Variants in KCNH1 observed in about 807,000 individuals in gnomAD.
KCNH1 encodes the protein voltage-gated delayed rectifier potassium channel KCNH1.
A neutral mutation model predicts 69.2 loss-of-function variants in KCNH1; 27 were observed. The observed-to-expected ratio is 0.39, with a 90% CI of 0.29 to 0.54. The LOEUF (loss-of-function observed/expected upper bound fraction) is 0.54. KCNH1 is among the 20% of genes least tolerant of loss of function. The pLI, the probability that KCNH1 is intolerant of heterozygous loss-of-function variation, is 0.68. For missense variants in KCNH1, 798 were observed against 1,261.6 expected (o/e 0.63, Z 5.57); for synonymous variants, 456 against 487.7 (o/e 0.93, Z 0.86).
chr1:210,864,279 G>A (rs1014978603), intron 7 of KCNH1, among the ~76,000 whole-genome samples: 6 of 152,132 alleles, frequency 3.9e-5, no homozygotes, highest in South Asian at 2.1e-4. Flanking sequence ...GCAATGCCAC[G>A]GCAGTGAGGA....
chr1:210,733,157 A>AT (rs893559818), intron 10 of KCNH1, among the ~76,000 whole-genome samples: 140 of 151,338 alleles, frequency 9.3e-4, no homozygotes, highest in Non-Finnish European at 1.1e-3. Flanking sequence ...CATATGGCCT[A>AT]TTTTTTTTTC....
In KCNH1 at chr1:210,871,551, G is replaced by A. The variant is rs188180347; in HGVS notation, c.1462+48089C>T. Among the ~76,000 whole-genome samples the A allele has an allele frequency of 3.7e-3, 562 of 152,140 alleles. 5 individuals carry two copies. The highest frequency in any genetic ancestry group is 0.012 in the African/African-American group (510 of 41,502). On this transcript the variant is annotated intron_variant, in intron 7 of 10. Transcript: ENST00000271751. ...ATTTGACCCAGCCACCCCATTACTG[G>A]GTATATACACAAAGGACTATAAATC...
rs562125551 is a variant in KCNH1 at position 210,973,262 on chromosome 1, G to A, written c.1032+45521C>T. ...ATACTTATATTTGATGCTCAATAAT[G>A]TAACAAAATATGAGATCGATCACCT... On this transcript the variant is annotated intron_variant, in intron 6 of 10. Transcript: ENST00000271751. Among the ~76,000 whole-genome samples the A allele has an allele frequency of 1.5e-3, 233 of 152,172 alleles. 1 individual carries two copies. The highest frequency in any genetic ancestry group is 5.2e-3 in the African/African-American group (215 of 41,534).
intron 7 of KCNH1, among the ~76,000 whole-genome samples, chr1:210,881,640 C>T (rs879600807): frequency 3.3e-5 from 5 of 152,160 alleles, no homozygotes; most frequent in Non-Finnish European, 5.9e-5. Flanking sequence ...ACCAGGATGT[C>T]CTTCAGTAGA....
In KCNH1 at chr1:211,083,075, C is replaced by T. The variant is rs149512805; in HGVS notation, c.440-177G>A. Among the ~76,000 whole-genome samples the T allele has an allele frequency of 8.5e-5, 13 of 152,350 alleles. No individual in the cohort carries two copies. In the East Asian group the frequency reaches 2.3e-3, roughly 27 times the overall value. On this transcript the variant is annotated intron_variant, in intron 4 of 10. Coordinates refer to ENST00000271751, the MANE Select transcript of KCNH1 (RefSeq NM_172362.3). Reference sequence around the variant, plus strand: ...CTGCTCCGTAAAGCACCTTGTGTGTCGCAACTTGCTTTTCCCCTGCACTTT... The same window carrying T: ...CTGCTCCGTAAAGCACCTTGTGTGTTGCAACTTGCTTTTCCCCTGCACTTT...
intron 8 of KCNH1, 129 bp from the exon 9 acceptor site, chr1:210,797,889 G>A (rs865913850): frequency 4.0e-5 from 38 of 954,152 alleles, no homozygotes; most frequent in South Asian, 8.7e-5. Context: ...AAGTCCCTGC[G>A]CTTATGGAGC....
At chr1:210,846,414 G>C (rs1030238333) in intron 7 of KCNH1, among the ~76,000 whole-genome samples, 3 of 152,090 alleles carry the variant, frequency 2.0e-5, no homozygotes, top group African/African-American at 7.2e-5. Context: ...AGAGCCCTCA[G>C]AAATAATGCC....
intron 7 of KCNH1, among the ~76,000 whole-genome samples, chr1:210,852,254 A>G (rs1158864400): frequency 6.6e-6 from 1 of 152,120 alleles, no homozygotes; most frequent in Admixed American, 6.5e-5. Context: ...AGAGGGAAGG[A>G]GGGGCTTGGC....
intron 7 of KCNH1, among the ~76,000 whole-genome samples, chr1:210,876,251 G>A (rs1339663896): frequency 1.3e-5 from 2 of 152,156 alleles, no homozygotes; most frequent in Non-Finnish European, 2.9e-5. Context: ...AACAGTAGAT[G>A]TGGATTCAGT....
intron 5 of KCNH1, among the ~76,000 whole-genome samples, chr1:211,068,460 A>G (rs562359627): frequency 6.6e-6 from 1 of 152,136 alleles, no homozygotes; most frequent in Non-Finnish European, 1.5e-5. Flanking sequence ...CAGTGGCACA[A>G]TCTTGGCTCA....
chr1:210,781,282 C>G (rs1683977563), intron 9 of KCNH1, among the ~76,000 whole-genome samples: 1 of 152,100 alleles, frequency 6.6e-6, no homozygotes, highest in Non-Finnish European at 1.5e-5. Context: ...AGGTTTAGAT[C>G]CACTACTCTG....
intron 5 of KCNH1, 34 bp from the exon 6 acceptor site, chr1:211,019,290 G>T: frequency 7.1e-7 from 1 of 1,408,890 alleles, no homozygotes; most frequent in Non-Finnish European, 9.7e-7. Flanking sequence ...AGAGAACTAA[G>T]TTAGGATTTA....
chr1:211,024,040 A>G (rs1223801896), intron 5 of KCNH1, among the ~76,000 whole-genome samples: 1 of 152,204 alleles, frequency 6.6e-6, no homozygotes, highest in East Asian at 1.9e-4. Flanking sequence ...GTATCAAAAT[A>G]TCATGTGTAC....
chr1:211,055,322 A>G (rs1158586985), intron 5 of KCNH1, among the ~76,000 whole-genome samples: 2 of 152,292 alleles, frequency 1.3e-5, no homozygotes, highest in East Asian at 3.9e-4. Context: ...GTGGAAAGTA[A>G]CATGGGGCAG....
At chr1:210,774,930 C>T (rs1683832035) in intron 10 of KCNH1, among the ~76,000 whole-genome samples, 1 of 152,128 alleles carries the variant, frequency 6.6e-6, no homozygotes, top group Non-Finnish European at 1.5e-5. Flanking sequence ...TACTAGCTGG[C>T]AGGCTAATGG....
chr1:210,857,633 T>C (rs535710454), intron 7 of KCNH1, among the ~76,000 whole-genome samples: 8 of 152,372 alleles, frequency 5.3e-5, no homozygotes, highest in South Asian at 2.1e-4. Context: ...CATTTGTTTT[T>C]ATAGTTATAG....
At chr1:211,032,567 T>C (rs1335430189) in intron 5 of KCNH1, among the ~76,000 whole-genome samples, 4 of 152,144 alleles carry the variant, frequency 2.6e-5, no homozygotes, top group Admixed American at 2.0e-4. Context: ...AACAGAGATA[T>C]AGACTGATGC....
intron 6 of KCNH1, among the ~76,000 whole-genome samples, chr1:210,988,382 G>C (rs1301960312): frequency 6.6e-6 from 1 of 152,116 alleles, no homozygotes; most frequent in African/African-American, 2.4e-5. Flanking sequence ...ACTCACACTG[G>C]GAGCTGTAGA....
intron 5 of KCNH1, among the ~76,000 whole-genome samples, chr1:211,046,594 T>A (rs1423808839): frequency 6.6e-6 from 1 of 152,214 alleles, no homozygotes; most frequent in Non-Finnish European, 1.5e-5. Flanking sequence ...GAAAAGTAAC[T>A]TGTCCAAGGC....
Sources: allele counts gnomAD v4.1 joint callset (sites outside exome capture counted in the v4.1 genomes callset), GRCh38; gene constraint gnomAD v4.1.1; transcripts MANE v1.5; gene names NCBI Gene and HGNC (gene_info 2026-07-23, HGNC 2026-07-21).